ZNF532: variants seen among roughly 807,000 people sequenced by gnomAD.
ZNF532 encodes the protein zinc finger protein 532.
Under a neutral mutation model 89.3 loss-of-function variants are expected in ZNF532, and 22 were observed. That is an observed-to-expected ratio of 0.25 (90% CI 0.18 to 0.35). The LOEUF (loss-of-function observed/expected upper bound fraction) is 0.35. Ranked by LOEUF, ZNF532 falls within the 10% of genes least tolerant of loss-of-function variation. The pLI is 1.00. For synonymous variants in ZNF532, 606 were observed against 649.6 expected, an observed-to-expected ratio of 0.93 and a Z score of 1.02; for missense variants, 1,132 against 1,643.4, an observed-to-expected ratio of 0.69 and a Z score of 5.38.
intron 2 of ZNF532, among the ~76,000 whole-genome samples, chr18:58,901,684 T>A (rs2059610340): frequency 6.6e-6 from 1 of 152,188 alleles, no homozygotes; most frequent in Non-Finnish European, 1.5e-5. Flanking sequence ...CAAGTGACGA[T>A]GAGTCCACCT....
intron 3 of ZNF532, among the ~76,000 whole-genome samples, chr18:58,930,471 CA>C (rs1280596025): frequency 6.6e-6 from 1 of 151,852 alleles, no homozygotes; most frequent in African/African-American, 2.4e-5. Context: ...TACTAAAATA[CA>C]AAAAAATTAG....
intron 2 of ZNF532, among the ~76,000 whole-genome samples, chr18:58,872,282 G>T (rs1479812418): frequency 6.6e-6 from 1 of 152,138 alleles, no homozygotes; most frequent in Non-Finnish European, 1.5e-5. Context: ...GATCCGTAGA[G>T]ACCTAAAGAT....
chr18:58,904,096 A>C (rs2059770497), intron 2 of ZNF532, among the ~76,000 whole-genome samples: 1 of 152,344 alleles, frequency 6.6e-6, no homozygotes, highest in East Asian at 1.9e-4. Context: ...CATGCCTGTA[A>C]TCACGGCACT....
At chr18:58,965,001 A>G (rs2147284699) in intron 7 of ZNF532, among the ~76,000 whole-genome samples, 1 of 149,182 alleles carries the variant, frequency 6.7e-6, no homozygotes, top group South Asian at 2.1e-4. Context: ...CTTATACTAT[A>G]TAAATCTATA....
chr18:58,979,827 T>C (rs2851704), intron 8 of ZNF532: 1 of 152,366 alleles, frequency 6.6e-6, no homozygotes, highest in Non-Finnish European at 1.5e-5. Flanking sequence ...CTGGGCCCTT[T>C]GCCCCTTGGC....
At position 58,919,993 on chromosome 18, in the gene ZNF532, G is replaced by A. The variant is rs766548934; in HGVS notation, c.1706G>A (p.Arg569Gln). 2.5e-6 allele frequency: 4 copies of A among 1,613,556 alleles called. No individual in the cohort carries two copies. The highest frequency in any genetic ancestry group is 1.1e-5 in the South Asian group (1 of 91,032). The change falls in exon 3 of 10, where the codon CGA (arginine) becomes CAA (glutamine). Residue 569 changes from arginine (R) to glutamine (Q), a missense_variant. Physicochemically the swap from Arg to Gln is conservative, Grantham distance 43. Around this residue, in one of 9 missense-constraint regions of ZNF532, gnomAD observed 97 missense variants for 143.7 expected, o/e 0.68. Transcript: ENST00000591808. This position sits in a 1 kb window ranked among gnomAD's most constrained non-coding sequence, Gnocchi z 6.1. ...AASQPPKKVSRVQVVSSLQSS... is the reference protein window; with the variant it reads ...AASQPPKKVSQVQVVSSLQSS... ...TCGCAACCCCCCAAAAAGGTGTCTC[G>A]AGTCCAGGTGGTGTCGTCCTTGCAG...
At chr18:58,953,936 G>C in intron 7 of ZNF532, 137 bp downstream of exon 7, 1 of 1,434,984 alleles carries the variant, frequency 7.0e-7, no homozygotes, top group Non-Finnish European at 9.1e-7. Flanking sequence ...GTGTCTCTCT[G>C]CCTCACTTCT....
intron 3 of ZNF532, among the ~76,000 whole-genome samples, chr18:58,926,462 C>T (rs1030779032): frequency 2.0e-5 from 3 of 152,230 alleles, no homozygotes; most frequent in Admixed American, 6.5e-5. Flanking sequence ...CTTAGCCTCC[C>T]GAGTAGCTGG....
chr18:58,916,840 G>C (rs549693514), intron 2 of ZNF532: 1 of 579,160 alleles, frequency 1.7e-6, no homozygotes, highest in African/African-American at 2.0e-5. Flanking sequence ...CCCTGGAATA[G>C]TTACTTTTAT....
At chr18:58,945,733 T>TTA (rs921053230) in intron 5 of ZNF532, among the ~76,000 whole-genome samples, 9 of 148,494 alleles carry the variant, frequency 6.1e-5, no homozygotes, top group Non-Finnish European at 7.5e-5. Flanking sequence ...ATTTATTTAT[T>TTA]TTTTTTTTTT....
chr18:58,913,569 A>AGTGAG (rs1406574714), intron 2 of ZNF532, among the ~76,000 whole-genome samples: 1 of 151,948 alleles, frequency 6.6e-6, no homozygotes, highest in East Asian at 1.9e-4. Context: ...TGGACAACAT[A>AGTGAG]GTGAGACCCC....
chr18:58,888,713 A>ATTTATATATATATAAAAT (rs1325466287), intron 2 of ZNF532, among the ~76,000 whole-genome samples: 1 of 17,702 alleles, frequency 5.6e-5, no homozygotes, highest in Non-Finnish European at 1.1e-4. Flanking sequence ...ATATATATAT[A>ATTTATATATATATAAAAT]TATATATATA....
rs957054057 is a variant in ZNF532 at position 58,887,722 on chromosome 18, C to T, written c.-18+22143C>T. On this transcript the variant is annotated intron_variant, in intron 2 of 9. Coordinates refer to ENST00000591808, the MANE Select transcript of ZNF532 (RefSeq NM_001375912.1). Reference sequence around the variant, plus strand: ...TCACAGGAGGGACCGTCATGCAGGACTAGGCAGTATTGCTGGTTGTGGTTA... The same window carrying T: ...TCACAGGAGGGACCGTCATGCAGGATTAGGCAGTATTGCTGGTTGTGGTTA... Among the ~76,000 whole-genome samples the T allele has an allele frequency of 2.6e-5, 4 of 152,296 alleles. No individual in the cohort carries two copies. In the East Asian group the frequency reaches 5.8e-4, roughly 22 times the overall value.
At chr18:58,893,632 G>C (rs559444689) in intron 2 of ZNF532, among the ~76,000 whole-genome samples, 1 of 150,010 alleles carries the variant, frequency 6.7e-6, no homozygotes, top group East Asian at 2.0e-4. Context: ...ACTTCAATCT[G>C]GGCGACAAAG....
At chr18:58,983,901 A>AG in intron 9 of ZNF532, 71 bp from the exon 10 acceptor site, 1 of 1,528,816 alleles carries the variant, frequency 6.5e-7, no homozygotes, top group Non-Finnish European at 8.8e-7. Context: ...CTAAAGTAAG[A>AG]GAACCGATCA....
intron 2 of ZNF532, among the ~76,000 whole-genome samples, chr18:58,902,089 G>A (rs2059639344): frequency 1.3e-5 from 2 of 152,102 alleles, no homozygotes; most frequent in Admixed American, 1.3e-4. Flanking sequence ...CACTGCTATG[G>A]TTTGGGGTTC....
intron 5 of ZNF532, 55 bp downstream of exon 5, chr18:58,939,676 G>GC: frequency 1.3e-6 from 2 of 1,531,398 alleles, no homozygotes; most frequent in South Asian, 2.5e-5. Context: ...CAATTTAGAA[G>GC]CAAGGTAGTA....
rs1287001087 is a variant in ZNF532 at position 58,918,425 on chromosome 18, C to T, written c.138C>T (p.His46=). 17 of 1,614,150 alleles carry T rather than the reference C, an allele frequency of 1.1e-5. No homozygotes were observed. In the East Asian group the frequency reaches 1.1e-4, roughly 11 times the overall value. The change falls in exon 3 of 10, where the codon CAC becomes CAT. Residue 46 remains histidine, a synonymous_variant. Transcript: ENST00000591808. ...AAAGCCACATGAAGCAGAATGCTCA[C>T]GGAGAGGATGACTCCCACGCACCAT... ...DHESHMKQNA[H]GEDDSHAPSS...
At chr18:58,904,676 C>G (rs566505992) in intron 2 of ZNF532, among the ~76,000 whole-genome samples, 135 of 152,108 alleles carry the variant, frequency 8.9e-4, no homozygotes, top group South Asian at 3.3e-3. Context: ...GATCAGTGAT[C>G]CAGTTGTTGT....
Sources: allele counts gnomAD v4.1 joint callset (sites outside exome capture counted in the v4.1 genomes callset), GRCh38; gene constraint gnomAD v4.1.1; regional missense constraint gnomAD v4.1.1; non-coding constraint Gnocchi (gnomAD v3.1); transcripts MANE v1.5; gene names NCBI Gene and HGNC (gene_info 2026-07-23, HGNC 2026-07-21).